Variants in RYR3 observed in about 807,000 individuals in gnomAD.
RYR3 encodes ryanodine receptor 3.
A neutral mutation model predicts 584.3 loss-of-function variants in RYR3; 207 were observed. The ratio of observed to expected loss-of-function variants is 0.35; its 90% CI spans 0.32 to 0.40. The LOEUF is 0.40. RYR3 is among the 10% of genes least tolerant of loss of function. RYR3 has a pLI of 1.00. For missense variants in RYR3, 5,616 were observed against 6,089.2 expected (o/e 0.92, Z 2.59); for synonymous variants, 2,416 against 2,248.5 (o/e 1.07, Z -2.11).
chr15:33,623,655 G>T (rs538701638), intron 19 of RYR3, among the ~76,000 whole-genome samples, 152 bp from the exon 20 acceptor site: 1 of 152,258 alleles, frequency 6.6e-6, no homozygotes, highest in East Asian at 1.9e-4. Flanking sequence ...GTTACATACT[G>T]GATGATGTTT....
At chr15:33,854,691 A>G in intron 97 of RYR3, 75 bp from the exon 98 acceptor site, 3 of 1,527,806 alleles carry the variant, frequency 2.0e-6, no homozygotes, top group Non-Finnish European at 2.6e-6. Context: ...TGTCTCCCAA[A>G]ATAAGAAAAA....
intron 53 of RYR3, 25 bp downstream of exon 53, chr15:33,746,182 C>G (rs1278163524): frequency 2.7e-6 from 4 of 1,472,434 alleles, no homozygotes; most frequent in Admixed American, 1.9e-5. Context: ...TCTGGTAACA[C>G]TGTGTGACCA....
Position 33,356,339 on chromosome 15 carries a change from G to C in RYR3, c.51+45243G>C, listed in dbSNP as rs149017157. 8.8e-3 allele frequency among the ~76,000 whole-genome samples: 1,339 copies of C among 152,256 alleles called. 26 individuals carry two copies. The highest frequency in any genetic ancestry group is 0.031 in the African/African-American group (1,271 of 41,542). On this transcript the variant is annotated intron_variant, in intron 1 of 103. Coordinates refer to ENST00000634891, the MANE Select transcript of RYR3 (RefSeq NM_001036.6). ...ATGCTGGTGTGCTTTGTGATATGCT[G>C]TGTCTAAATTTCAGTCGTTAGTGTT...
chr15:33,755,019 A>G (rs2071675496), intron 57 of RYR3, 46 bp from the exon 58 acceptor site: 2 of 1,051,142 alleles, frequency 1.9e-6, no homozygotes, highest in African/African-American at 3.1e-5. Flanking sequence ...CCTGAGTGAC[A>G]TGGTTGTCTC....
rs556926581 is a variant in RYR3 at position 33,328,375 on chromosome 15, A to T, written c.51+17279A>T. On this transcript the variant is annotated intron_variant, in intron 1 of 103. Transcript: ENST00000634891. ...TTGTTCCTTTTAAGTGTGCTTAACT[A>T]AGTGGGCCACCCATCATAGCTCCTT... Among the ~76,000 whole-genome samples the T allele has an allele frequency of 1.6e-4, 24 of 152,264 alleles. No homozygotes were observed. In the East Asian group the frequency reaches 4.6e-3, roughly 29 times the overall value.
intron 67 of RYR3, among the ~76,000 whole-genome samples, chr15:33,797,091 T>C (rs2075672299): frequency 6.6e-6 from 1 of 152,164 alleles, no homozygotes; most frequent in Admixed American, 6.5e-5. Context: ...TAATAGACAT[T>C]GGAGATTCGG....
At chr15:33,560,880 A>G (rs1337561675) in intron 10 of RYR3, among the ~76,000 whole-genome samples, 1 of 152,096 alleles carries the variant, frequency 6.6e-6, no homozygotes, top group Non-Finnish European at 1.5e-5. Flanking sequence ...AAAAATTCAT[A>G]CTTATCCTTG....
chr15:33,834,899 C>A, intron 86 of RYR3, 69 bp from the exon 87 acceptor site: 3 of 1,172,724 alleles, frequency 2.6e-6, no homozygotes, highest in Admixed American at 1.8e-5. Context: ...GTATCAGATG[C>A]CCTTACTAGA....
rs1295193017 is a variant in RYR3, at chr15:33,768,683, G to A, written c.8731G>A (p.Val2911Ile). ...CCTGTTCTGCAAACTTGCCGCTCTC[G>A]TTAGACACAGAATTTCCCTCTTTGG... Reference protein sequence around the residue: ...AGLFCKLAALVRHRISLFGSD... With the variant: ...AGLFCKLAALIRHRISLFGSD... The change falls in exon 61 of 104, where the codon GTT (valine) becomes ATT (isoleucine). Residue 2911 changes from valine to isoleucine, a missense_variant. Val to Ile is a conservative substitution (Grantham distance 29). Around this residue, in one of 9 missense-constraint regions of RYR3, gnomAD observed 1,280 missense variants for 1,426.2 expected, o/e 0.90. Coordinates refer to ENST00000634891, the MANE Select transcript of RYR3 (RefSeq NM_001036.6). The A allele has an allele frequency of 1.2e-5, 19 of 1,613,808 alleles. No individual in the cohort carries two copies. The highest frequency in any genetic ancestry group is 2.2e-5 in the South Asian group (2 of 91,074).
At chr15:33,814,671 G>A (rs1423071454) in intron 74 of RYR3, among the ~76,000 whole-genome samples, 1 of 152,040 alleles carries the variant, frequency 6.6e-6, no homozygotes, top group Non-Finnish European at 1.5e-5. Context: ...GGCCGAGGCA[G>A]GCAGATCACT....
At chr15:33,860,438 CAGGATGTA>C (rs1887757858) in intron 100 of RYR3, among the ~76,000 whole-genome samples, 149 bp from the exon 101 acceptor site, 1 of 151,996 alleles carries the variant, frequency 6.6e-6, no homozygotes, top group Admixed American at 6.6e-5. Flanking sequence ...AATTGTTAGC[CAGGATGTA>C]ACACAAAGAA....
Position 33,623,927 on chromosome 15 carries a change from A to T in RYR3, c.2478A>T (p.Glu826Asp). 1.2e-6 allele frequency: 2 copies of T among 1,613,968 alleles called. No homozygotes were observed. The highest frequency in any genetic ancestry group is 1.7e-6 in the Non-Finnish European group (2 of 1,179,848). The change falls in exon 20 of 104, where the codon GAA becomes GAT. Residue 826 changes from glutamate (E) to aspartate (D), a missense_variant. Glu to Asp is a conservative substitution (Grantham distance 45). This residue lies in a region of RYR3 where 1,284 missense variants were observed against 1,344.6 expected (regional missense o/e 0.95). Coordinates refer to ENST00000634891, the MANE Select transcript of RYR3 (RefSeq NM_001036.6). The part of the protein sequence containing the change: ...KEKMRLEPVK[E>D]YKRDADGIRD... ...AGATGAGATTGGAGCCTGTCAAAGA[A>T]TATAAACGTGATGCTGATGGCATTA...
At chr15:33,782,134 T>C (rs1404683038) in intron 65 of RYR3, among the ~76,000 whole-genome samples, 1 of 152,166 alleles carries the variant, frequency 6.6e-6, no homozygotes, top group Non-Finnish European at 1.5e-5. Flanking sequence ...CAGCACTGTG[T>C]AGAGCTTCAC....
At chr15:33,789,799 T>A (rs1428466246) in intron 67 of RYR3, among the ~76,000 whole-genome samples, 4 of 132,514 alleles carry the variant, frequency 3.0e-5, no homozygotes, top group African/African-American at 1.1e-4. Flanking sequence ...CTCAGCCTCG[T>A]GAGTAGCTGG....
chr15:33,728,404 T>G (rs138765928), intron 46 of RYR3, among the ~76,000 whole-genome samples: 268 of 152,372 alleles, frequency 1.8e-3, no homozygotes, highest in Non-Finnish European at 2.6e-3. Flanking sequence ...AATATCTACT[T>G]AATTGTAAAT....
At position 33,550,280 on chromosome 15, in the gene RYR3, C is replaced by A; in HGVS notation, c.936C>A (p.Asp312Glu). The A allele has an allele frequency of 6.2e-7, 1 of 1,613,470 alleles. No homozygotes were observed. Among genetic ancestry groups the A allele is most frequent in the Non-Finnish European group, 8.5e-7 (1 of 1,179,698 alleles). The change falls in exon 10 of 104, where the codon GAC becomes GAA. Residue 312 changes from aspartate to glutamate, a missense_variant. This residue lies in a region of RYR3 where 1,284 missense variants were observed against 1,344.6 expected (regional missense o/e 0.95). Coordinates refer to ENST00000634891, the MANE Select transcript of RYR3 (RefSeq NM_001036.6). ...GLILQDRAKS[D>E]TKSTAFSFRA... ...TACTGCAAGACCGGGCAAAGTCAGA[C>A]ACCAAGTCCACAGCTTTCTCTTTCC...
intron 49 of RYR3, among the ~76,000 whole-genome samples, chr15:33,737,032 T>C (rs1298108265): frequency 6.6e-6 from 1 of 152,212 alleles, no homozygotes; most frequent in Admixed American, 6.5e-5. Flanking sequence ...AGTGCTGGGA[T>C]TACAGGTATG....
At chr15:33,718,709 C>T (rs1486455050) in intron 43 of RYR3, among the ~76,000 whole-genome samples, 1 of 152,168 alleles carries the variant, frequency 6.6e-6, no homozygotes, top group Non-Finnish European at 1.5e-5. Context: ...TATTTCCCTG[C>T]TAACTGTCCC....
At chr15:33,756,197 A>C (rs1266483346) in intron 58 of RYR3, 109 bp from the exon 59 acceptor site, 2 of 757,618 alleles carry the variant, frequency 2.6e-6, no homozygotes, top group Non-Finnish European at 4.7e-6. Context: ...TTGTGAAATC[A>C]GATAGCCTTT....
Sources: allele counts gnomAD v4.1 joint callset (sites outside exome capture counted in the v4.1 genomes callset), GRCh38; gene constraint gnomAD v4.1.1; regional missense constraint gnomAD v4.1.1; transcripts MANE v1.5; gene names NCBI Gene and HGNC (gene_info 2026-07-23, HGNC 2026-07-21).